Variants in OPRK1 observed in about 807,000 individuals in gnomAD.
OPRK1 encodes opioid receptor kappa 1.
A neutral mutation model predicts 24.5 loss-of-function variants in OPRK1; 15 were observed. The ratio of observed to expected loss-of-function variants is 0.61; its 90% CI spans 0.41 to 0.94. OPRK1 has a LOEUF of 0.94. OPRK1 is among the 40% of genes least tolerant of loss of function. OPRK1 has a pLI of 0.00. For missense variants in OPRK1, 479 were observed against 507.3 expected (o/e 0.94, Z 0.54); for synonymous variants, 205 against 198.0 (o/e 1.04, Z -0.30).
At chr8:53,232,362 T>C (rs546434846) in intron 3 of OPRK1, among the ~76,000 whole-genome samples, 5 of 152,308 alleles carry the variant, frequency 3.3e-5, no homozygotes, top group Non-Finnish European at 7.3e-5. Flanking sequence ...TAATTTATTA[T>C]ATATTTCAAA....
At chr8:53,250,259 G>A (rs12056411) in intron 2 of OPRK1, among the ~76,000 whole-genome samples, 14,365 of 152,168 alleles carry the variant, frequency 0.094, 753 homozygotes, top group South Asian at 0.18. Context: ...TATCAACAAC[G>A]CTAGAGCATA....
chr8:53,228,847 CCCA>C lies in OPRK1; in HGVS notation c.*447_*449del. 1 of 160,560 alleles carries C rather than the reference CCCA, an allele frequency of 6.2e-6. No individual in the cohort carries two copies. The highest frequency in any genetic ancestry group is 5.9e-5 in the Admixed American group (1 of 16,876). The allele number at this position is 160,560 out of a possible 1,614,324, so 9.9% of individuals were successfully genotyped here. On this transcript the variant is annotated 3_prime_UTR_variant, in exon 4 of 4. Coordinates refer to ENST00000265572, the MANE Select transcript of OPRK1 (RefSeq NM_000912.5). ...CTGGGCATGAACCCTGGAAATAGTTCCCATTCCGTTGGAGGTTGTTGCTGTCAT... is the reference window on the plus strand; with the variant it reads ...CTGGGCATGAACCCTGGAAATAGTTCTTCCGTTGGAGGTTGTTGCTGTCAT...
At position 53,235,108 on chromosome 8, in the gene OPRK1, G is replaced by A; in HGVS notation, c.261C>T (p.Tyr87=). ...TGTTGGTTGCTGTCTTCATCTTTGTGTATCTAAAAGAAAAGAAACAATAGC... is the reference window on the plus strand; with the variant it reads ...TGTTGGTTGCTGTCTTCATCTTTGTATATCTAAAAGAAAAGAAACAATAGC... ...NSLVMFVIIR[Y]TKMKTATNIY... Residue 87 remains tyrosine, a synonymous_variant, in exon 3 of 4, where the codon TAC becomes TAT. Coordinates refer to ENST00000265572, the MANE Select transcript of OPRK1 (RefSeq NM_000912.5). The A allele has an allele frequency of 6.2e-7, 1 of 1,609,442 alleles. No individual in the cohort carries two copies. Among genetic ancestry groups the A allele is most frequent in the Non-Finnish European group, 8.5e-7 (1 of 1,177,030 alleles).
chr8:53,249,786 A>G (rs1017008890), intron 2 of OPRK1, among the ~76,000 whole-genome samples: 1 of 152,174 alleles, frequency 6.6e-6, no homozygotes, highest in African/African-American at 2.4e-5. Flanking sequence ...TCAGCTATTC[A>G]TCGTTTCAGA....
chr8:53,243,651 A>G (rs1168797236), intron 2 of OPRK1, among the ~76,000 whole-genome samples: 2 of 152,230 alleles, frequency 1.3e-5, no homozygotes, highest in African/African-American at 4.8e-5. Flanking sequence ...AATCCACATA[A>G]GCAGTTGCAA....
At chr8:53,236,585 A>G (rs1157994480) in intron 2 of OPRK1, among the ~76,000 whole-genome samples, 1 of 152,220 alleles carries the variant, frequency 6.6e-6, no homozygotes, top group African/African-American at 2.4e-5. Context: ...TAAATGACCT[A>G]TAAGTTTTAG....
chr8:53,250,639 A>T, intron 2 of OPRK1, 142 bp downstream of exon 2: 1 of 886,566 alleles, frequency 1.1e-6, no homozygotes, highest in Non-Finnish European at 1.7e-6. Context: ...CTAGGAAGCC[A>T]CCCTGTAGCA....
chr8:53,242,065 T>G (rs1807127777), intron 2 of OPRK1, among the ~76,000 whole-genome samples: 1 of 152,228 alleles, frequency 6.6e-6, no homozygotes. Flanking sequence ...GGCGTGCACT[T>G]TCCTAGGGCA....
At position 53,229,669 on chromosome 8, in the gene OPRK1, C is replaced by T; in HGVS notation, c.771G>A (p.Arg257=). 7 of 1,614,026 alleles carry T rather than the reference C, an allele frequency of 4.3e-6. No homozygotes were observed. The highest frequency in any genetic ancestry group is 5.9e-6 in the Non-Finnish European group (7 of 1,179,994). The change falls in exon 4 of 4, where the codon CGG becomes CGA. Residue 257 remains arginine, a synonymous_variant. Transcript: ENST00000265572. ...TLMILRLKSV[R]LLSGSREKDR... Reference sequence around the variant, plus strand: ...CTTTCTCTCGGGAGCCAGAAAGGAGCCGGACGCTCTTGAGACGCAGGATCA... The same window carrying T: ...CTTTCTCTCGGGAGCCAGAAAGGAGTCGGACGCTCTTGAGACGCAGGATCA...
At chr8:53,250,205 A>G (rs1807339719) in intron 2 of OPRK1, among the ~76,000 whole-genome samples, 1 of 152,156 alleles carries the variant, frequency 6.6e-6, no homozygotes, top group African/African-American at 2.4e-5. Context: ...TGATATTCCT[A>G]ACAAATGGGA....
At chr8:53,247,432 T>G (rs1188130454) in intron 2 of OPRK1, among the ~76,000 whole-genome samples, 1 of 152,208 alleles carries the variant, frequency 6.6e-6, no homozygotes, top group Non-Finnish European at 1.5e-5. Context: ...GTTGTGAAGA[T>G]TAAATAATTC....
Position 53,228,675 on chromosome 8 carries a change from G to A in OPRK1, c.*622C>T, listed in dbSNP as rs572629822. ...TAAACCATGTTAAAAACAATCTTTT[G>A]AACGTTTAAATAATTTCATAAATAG... On this transcript the variant is annotated 3_prime_UTR_variant, in exon 4 of 4. Coordinates refer to ENST00000265572, the MANE Select transcript of OPRK1 (RefSeq NM_000912.5). 1 of 152,224 alleles carries A rather than the reference G, an allele frequency of 6.6e-6. No individual in the cohort carries two copies. The highest frequency in any genetic ancestry group is 1.9e-4 in the East Asian group (1 of 5,176). The allele number at this position is 152,224 out of a possible 1,614,324, so 9.4% of individuals were successfully genotyped here. A position where few individuals can be genotyped will look rare whatever the true frequency, so the allele number is the denominator to read the frequency against.
intron 2 of OPRK1, among the ~76,000 whole-genome samples, chr8:53,243,958 A>C (rs886799229): frequency 3.3e-5 from 5 of 152,136 alleles, no homozygotes; most frequent in African/African-American, 1.2e-4. Context: ...GATATTATCT[A>C]AGGTAGGCTA....
At chr8:53,231,277 T>C (rs78725707) in intron 3 of OPRK1, among the ~76,000 whole-genome samples, 3,964 of 152,282 alleles carry the variant, frequency 0.026, 181 homozygotes, top group African/African-American at 0.091. Flanking sequence ...TTAAGCAACT[T>C]TTGATGGGTG....
intron 2 of OPRK1, among the ~76,000 whole-genome samples, chr8:53,239,222 C>T (rs62505378): frequency 0.12 from 17,778 of 152,172 alleles, 1,376 homozygotes; most frequent in African/African-American, 0.23. Flanking sequence ...CCATAAGTAG[C>T]AATATACTAG....
intron 2 of OPRK1, among the ~76,000 whole-genome samples, chr8:53,246,253 C>T (rs1807224737): frequency 6.6e-6 from 1 of 152,112 alleles, no homozygotes; most frequent in African/African-American, 2.4e-5. Flanking sequence ...AGACCCTCCA[C>T]ACAAGCCAAG....
At chr8:53,239,455 G>A (rs2128809254) in intron 2 of OPRK1, among the ~76,000 whole-genome samples, 1 of 152,336 alleles carries the variant, frequency 6.6e-6, no homozygotes, top group East Asian at 1.9e-4. Flanking sequence ...CTTATTCAGA[G>A]TCAATGAGGA....
intron 2 of OPRK1, among the ~76,000 whole-genome samples, chr8:53,244,232 T>TG (rs11421675): frequency 0.43 from 65,325 of 151,948 alleles, 16,551 homozygotes; most frequent in African/African-American, 0.71. Flanking sequence ...TAACCTAAGA[T>TG]ATCCCAGCAG....
At chr8:53,242,912 C>T (rs370719063) in intron 2 of OPRK1, 27 of 1,288,306 alleles carry the variant, frequency 2.1e-5, no homozygotes, top group Non-Finnish European at 2.6e-5. Flanking sequence ...GAAATTCCAA[C>T]CTGTTTGGCC....
Sources: allele counts gnomAD v4.1 joint callset (sites outside exome capture counted in the v4.1 genomes callset), GRCh38; gene constraint gnomAD v4.1.1; transcripts MANE v1.5; gene names NCBI Gene and HGNC (gene_info 2026-07-23, HGNC 2026-07-21).